The following CACNB4 variants were observed in gnomAD, a reference collection of about 807,000 sequenced individuals.
The protein encoded by CACNB4 is voltage-dependent L-type calcium channel subunit beta-4.
CACNB4 carries 32 observed loss-of-function variants against 71.2 expected under a neutral mutation model. The ratio of observed to expected loss-of-function variants is 0.45; its 90% CI spans 0.34 to 0.60. CACNB4 has a LOEUF of 0.60. CACNB4 is among the 20% of genes least tolerant of loss of function. The pLI is 0.01. For synonymous variants in CACNB4, 231 were observed against 236.9 expected, an observed-to-expected ratio of 0.97 and a Z score of 0.23; for missense variants, 464 against 647.9, an observed-to-expected ratio of 0.72 and a Z score of 3.08.
intron 2 of CACNB4, among the ~76,000 whole-genome samples, chr2:151,919,576 G>T (rs2099858396): frequency 6.6e-6 from 1 of 152,096 alleles, no homozygotes; most frequent in African/African-American, 2.4e-5. Flanking sequence ...TCCCCCTCAG[G>T]GTCCTGCAAG....
intron 2 of CACNB4, among the ~76,000 whole-genome samples, chr2:151,946,813 A>C (rs2099865723): frequency 6.6e-6 from 1 of 152,174 alleles, no homozygotes. Context: ...AATTTCATCA[A>C]ATTTCATACA....
At chr2:151,991,395 G>A (rs1240591298) in intron 2 of CACNB4, among the ~76,000 whole-genome samples, 3 of 152,224 alleles carry the variant, frequency 2.0e-5, no homozygotes, top group Non-Finnish European at 4.4e-5. Context: ...TAAGCTCACT[G>A]TGAAATCTCT....
intron 2 of CACNB4, among the ~76,000 whole-genome samples, chr2:152,011,839 T>C (rs1223967857): frequency 6.6e-6 from 1 of 152,156 alleles, no homozygotes; most frequent in Non-Finnish European, 1.5e-5. Context: ...AGTGGTCCCA[T>C]AAGACTGTAA....
intron 2 of CACNB4, among the ~76,000 whole-genome samples, chr2:151,915,196 G>A (rs2099857151): frequency 6.6e-6 from 1 of 152,204 alleles, no homozygotes; most frequent in Non-Finnish European, 1.5e-5. Context: ...AGTTCCTGCA[G>A]GGAAGCCTCA....
In CACNB4 at chr2:152,084,059, C is replaced by T. The variant is rs114370177; in HGVS notation, c.147+14271G>A. Among the ~76,000 whole-genome samples the T allele has an allele frequency of 9.4e-3, 1,436 of 152,286 alleles. 30 individuals are homozygous for T. The highest frequency in any genetic ancestry group is 0.032 in the African/African-American group (1,345 of 41,544). On this transcript the variant is annotated intron_variant, in intron 2 of 13. Transcript: ENST00000539935. ...TGGCGTAACTGAGCCTAAAAGAGGA[C>T]GAAGAGTTTGTGTCTACATCAGTTC...
chr2:151,968,081 G>A (rs1428244729), intron 2 of CACNB4: 5 of 152,208 alleles, frequency 3.3e-5, no homozygotes, highest in Admixed American at 1.3e-4. Context: ...TTAGACTCAC[G>A]CCCTTCAAAG....
chr2:151,871,163 T>C (rs1177294937), intron 6 of CACNB4: 10 of 431,052 alleles, frequency 2.3e-5, no homozygotes, highest in Admixed American at 4.0e-5. Flanking sequence ...CCAATCACCA[T>C]GGGTTGTTCC....
intron 2 of CACNB4, among the ~76,000 whole-genome samples, chr2:152,060,192 C>G (rs904602551): frequency 6.6e-6 from 1 of 152,208 alleles, no homozygotes; most frequent in Non-Finnish European, 1.5e-5. Flanking sequence ...ATCTCCCACA[C>G]TAGACTGTTT....
chr2:151,853,419 T>C (rs781174780), intron 12 of CACNB4, 29 bp downstream of exon 12: 15 of 1,384,396 alleles, frequency 1.1e-5, no homozygotes, highest in South Asian at 3.9e-5. Flanking sequence ...TAGTCAAGAA[T>C]GATGAAGACA....
chr2:151,957,733 G>A (rs939804856), intron 2 of CACNB4, among the ~76,000 whole-genome samples: 18 of 152,250 alleles, frequency 1.2e-4, no homozygotes, highest in South Asian at 2.1e-4. Context: ...CTAAGAGGGA[G>A]GCCCCAGAAA....
At chr2:151,902,435 T>C (rs2099853702) in intron 2 of CACNB4, among the ~76,000 whole-genome samples, 1 of 152,312 alleles carries the variant, frequency 6.6e-6, no homozygotes, top group Middle Eastern at 3.4e-3. Flanking sequence ...CAAAGTCCCC[T>C]AGCGAAAATG....
chr2:151,841,473 G>C (rs549038784), intron 13 of CACNB4, among the ~76,000 whole-genome samples: 1 of 151,994 alleles, frequency 6.6e-6, no homozygotes, highest in African/African-American at 2.4e-5. Flanking sequence ...CCAGCTATTT[G>C]GGAGGCTGAG....
At chr2:152,068,366 T>G (rs1004845022) in intron 2 of CACNB4, among the ~76,000 whole-genome samples, 2 of 152,136 alleles carry the variant, frequency 1.3e-5, no homozygotes, top group Non-Finnish European at 2.9e-5. Context: ...CCAGTTAATC[T>G]CTTTGCCTCT....
intron 13 of CACNB4, 22 bp from the exon 14 acceptor site, chr2:151,839,401 T>C (rs758188877): frequency 3.2e-6 from 5 of 1,573,856 alleles, no homozygotes; most frequent in Non-Finnish European, 4.4e-6. Context: ...AGATAGTTCA[T>C]TGATTAAATA....
intron 2 of CACNB4, among the ~76,000 whole-genome samples, chr2:152,043,523 A>G (rs74988897): frequency 0.013 from 1,986 of 152,258 alleles, 43 homozygotes; most frequent in African/African-American, 0.044. Context: ...AGGTCTTGCC[A>G]TCTCCAGGCT....
rs1050236887 is a variant in CACNB4 at position 151,836,516 on chromosome 2, AG to A, written c.*2602del. 5.9e-5 allele frequency: 9 copies of A among 152,048 alleles called. No individual in the cohort carries two copies. The highest frequency in any genetic ancestry group is 2.2e-4 in the African/African-American group (9 of 41,548). The allele number at this position is 152,048 out of a possible 1,614,324, so 9.4% of individuals were successfully genotyped here. A position where few individuals can be genotyped will look rare whatever the true frequency, so the allele number is the denominator to read the frequency against. On this transcript the variant is annotated 3_prime_UTR_variant, in exon 14 of 14. Transcript: ENST00000539935. ...AAACTTATTACAGAAAGAAGGGGAAAGAATATTCCAAATTAAAGTAAACATT... is the reference window on the plus strand; with the variant it reads ...AAACTTATTACAGAAAGAAGGGGAAAAATATTCCAAATTAAAGTAAACATT...
intron 2 of CACNB4, among the ~76,000 whole-genome samples, chr2:151,938,775 T>G (rs962105669): frequency 1.3e-5 from 2 of 152,228 alleles, no homozygotes; most frequent in African/African-American, 4.8e-5. Flanking sequence ...CTCTTGTTTT[T>G]GGAGCATGGG....
intron 12 of CACNB4, chr2:151,853,220 C>A (rs2099839491): frequency 2.3e-6 from 1 of 442,244 alleles, no homozygotes; most frequent in Non-Finnish European, 4.0e-6. Flanking sequence ...GTGAGAAGAA[C>A]AGACCCCGGA....
intron 2 of CACNB4, among the ~76,000 whole-genome samples, chr2:151,936,582 C>T (rs372699091): frequency 3.3e-5 from 5 of 152,300 alleles, no homozygotes; most frequent in African/African-American, 1.2e-4. Context: ...TGTGTATGAA[C>T]GTGTTCTGTG....
Sources: gnomAD v4.1 joint callset for allele counts (sites outside exome capture counted in the v4.1 genomes callset) on GRCh38, gnomAD v4.1.1 for gene constraint, MANE v1.5 for transcripts, NCBI Gene and HGNC (gene_info 2026-07-23, HGNC 2026-07-21) for gene names.